SORBS2: variants seen among roughly 807,000 people sequenced by gnomAD.
The protein encoded by SORBS2 is sorbin and SH3 domain-containing protein 2.
A neutral mutation model predicts 97.7 loss-of-function variants in SORBS2; 46 were observed. The ratio of observed to expected loss-of-function variants is 0.47; its 90% confidence interval spans 0.37 to 0.60. The LOEUF is 0.60. SORBS2 is among the 20% of genes least tolerant of loss of function. SORBS2 has a pLI of 0.00. For missense variants in SORBS2, 1,316 were observed against 1,282.3 expected, an observed-to-expected ratio of 1.03 and a Z score of -0.40; for synonymous variants, 476 against 473.4, an observed-to-expected ratio of 1.01 and a Z score of -0.07.
chr4:185,776,987 T>G (rs1325257055), intron 1 of SORBS2, among the ~76,000 whole-genome samples: 2 of 152,018 alleles, frequency 1.3e-5, no homozygotes, highest in African/African-American at 4.8e-5. Context: ...CAAATTCAAT[T>G]CTTTCTTTGC....
At chr4:185,947,415 CT>C (rs924626639) in intron 1 of SORBS2, among the ~76,000 whole-genome samples, 1 of 151,964 alleles carries the variant, frequency 6.6e-6, no homozygotes, top group South Asian at 2.1e-4. Flanking sequence ...GGTTAATTCA[CT>C]TTTTTTTCTA....
At chr4:185,952,856 G>A (rs1446796818) in intron 1 of SORBS2, among the ~76,000 whole-genome samples, 1 of 152,128 alleles carries the variant, frequency 6.6e-6, no homozygotes, top group Non-Finnish European at 1.5e-5. Flanking sequence ...CAAACAGCAT[G>A]AGTCACCACT....
In SORBS2 at chr4:185,889,138, C is replaced by G. The variant is rs567088072; in HGVS notation, c.-338+67058G>C. Among the ~76,000 whole-genome samples the G allele has an allele frequency of 3.4e-4, 52 of 152,254 alleles. 1 individual carries two copies. Among genetic ancestry groups the G allele is most frequent in the Middle Eastern group, 3.4e-3 (1 of 294 alleles). On this transcript the variant is annotated intron_variant, in intron 1 of 20. Coordinates refer to the SORBS2 transcript ENST00000284776. ...GAGGAAGAGGGTTTTTTCTTCCATT[C>G]CAAGGTTAAACTTTCCAACTAGGTT...
At chr4:185,666,270 G>T in intron 4 of SORBS2, 1 of 854,536 alleles carries the variant, frequency 1.2e-6, no homozygotes, top group Non-Finnish European at 1.7e-6. Context: ...CTCTTTTTGC[G>T]ATGTGGCAGA....
At chr4:185,774,667 T>C (rs2098991148) in intron 2 of SORBS2, 1 of 150,954 alleles carries the variant, frequency 6.6e-6, no homozygotes, top group African/African-American at 2.5e-5. Context: ...TCCCCTAAAA[T>C]GTGCTAGGAA....
rs768810388 is a variant in SORBS2, at chr4:185,623,763, C to T, written c.1366G>A (p.Glu456Lys). The T allele has an allele frequency of 6.2e-7, 1 of 1,614,052 alleles. No individual in the cohort carries two copies. The highest frequency in any genetic ancestry group is 1.3e-5 in the African/African-American group (1 of 74,922). ...TGATTTTCTTCCTCCAGCAAATACT[C>T]AATGGAAAACCGCCTCTTGGGACAT... The change falls in exon 7 of 15, where the codon GAG becomes AAG. Residue 456 changes from glutamate (E) to lysine (K), a missense_variant. Coordinates refer to ENST00000418609, the Ensembl canonical transcript of SORBS2. This position sits in a 1 kb window ranked among gnomAD's most constrained non-coding sequence, Gnocchi z 6.4.
intron 11 of SORBS2, among the ~76,000 whole-genome samples, chr4:185,612,347 C>T (rs2096552639): frequency 6.6e-6 from 1 of 152,142 alleles, no homozygotes; most frequent in South Asian, 2.1e-4. Flanking sequence ...TTATCTCTGG[C>T]AGGTTCAGTG....
chr4:185,638,963 C>T (rs1371478308), intron 4 of SORBS2: 4 of 1,522,778 alleles, frequency 2.6e-6, no homozygotes, highest in African/African-American at 2.8e-5. Flanking sequence ...GTGACTTCTC[C>T]GAGTCGGGAG....
chr4:185,708,661 GTGATGCCTGCCTCCA>G (rs2098382096), intron 2 of SORBS2, among the ~76,000 whole-genome samples: 1 of 151,932 alleles, frequency 6.6e-6, no homozygotes, highest in South Asian at 2.1e-4. Context: ...TCCGCCCTCC[GTGATGCCTGCCTCCA>G]TTTTACCCCT....
chr4:185,782,816 G>C (rs1008358502), intron 1 of SORBS2, among the ~76,000 whole-genome samples: 2 of 152,214 alleles, frequency 1.3e-5, no homozygotes, highest in Non-Finnish European at 2.9e-5. Context: ...TAGAGCAGGG[G>C]TCAAAGCCTG....
At chr4:185,644,199 A>G (rs543084450) in intron 4 of SORBS2, among the ~76,000 whole-genome samples, 2 of 152,202 alleles carry the variant, frequency 1.3e-5, no homozygotes, top group African/African-American at 2.4e-5. Flanking sequence ...CTATTTCTCC[A>G]TAAGATAGCC....
rs143473362 is a variant in SORBS2 at position 185,822,829 on chromosome 4, C to G, written c.-337-47463G>C. ...AGCATTCTGAGAGTTCTGAGAACGC[C>G]GGGAGTATAAAGATTTTACATTTTA... On this transcript the variant is annotated intron_variant, in intron 1 of 20. Transcript: ENST00000284776. Among the ~76,000 whole-genome samples the G allele has an allele frequency of 1.4e-4, 21 of 151,980 alleles. No homozygotes were observed. The South Asian group carries it at 4.2e-3, about 30-fold the overall frequency.
At chr4:185,856,294 A>T (rs2099220521) in intron 1 of SORBS2, among the ~76,000 whole-genome samples, 1 of 152,106 alleles carries the variant, frequency 6.6e-6, no homozygotes, top group Non-Finnish European at 1.5e-5. Context: ...GAGTTTCTTA[A>T]CTCATTGAGT....
chr4:185,636,369 C>T (rs2097002197), intron 4 of SORBS2, among the ~76,000 whole-genome samples: 1 of 152,150 alleles, frequency 6.6e-6, no homozygotes, highest in Admixed American at 6.5e-5. Context: ...CAATAAGCTA[C>T]CTTGAGTCTA....
Position 185,748,839 on chromosome 4 carries a change from T to C in SORBS2, c.-198+26388A>G, listed in dbSNP as rs548889978. Among the ~76,000 whole-genome samples, 7 of 152,330 alleles carry C rather than the reference T, an allele frequency of 4.6e-5. No individual in the cohort carries two copies. In the South Asian group the frequency reaches 1.5e-3, roughly 32 times the overall value. ...GCAAGTGGAGGATTTCCCTAGGCTGTTTCTGGAGCCTCATTTATTGATGAG... is the reference window on the plus strand; with the variant it reads ...GCAAGTGGAGGATTTCCCTAGGCTGCTTCTGGAGCCTCATTTATTGATGAG... On this transcript the variant is annotated intron_variant, in intron 2 of 20. Coordinates refer to the SORBS2 transcript ENST00000284776.
At chr4:185,873,967 T>C (rs1041474549) in intron 1 of SORBS2, among the ~76,000 whole-genome samples, 2 of 152,176 alleles carry the variant, frequency 1.3e-5, no homozygotes, top group African/African-American at 4.8e-5. Context: ...CAAACATTAA[T>C]TTTAATATTA....
rs769241026 is a variant in SORBS2 at position 185,624,035 on chromosome 4, C to T, written c.1094G>A (p.Arg365His). The change falls in exon 7 of 15, where the codon CGC becomes CAC. Residue 365 changes from arginine (R) to histidine (H), a missense_variant. By Grantham distance (29) the Arg-to-His change is conservative. Transcript: ENST00000418609. Reference sequence around the variant, plus strand: ...CACCTCGGAGTTCATCAGGTCCTTGCGGTTGATGCGGTGCATTTTCTTGTA... The same window carrying T: ...CACCTCGGAGTTCATCAGGTCCTTGTGGTTGATGCGGTGCATTTTCTTGTA... 1.9e-6 allele frequency: 3 copies of T among 1,614,172 alleles called. No individual in the cohort carries two copies. In the South Asian group the frequency reaches 3.3e-5, roughly 18 times the overall value.
At chr4:185,875,456 T>C (rs1385035688) in intron 1 of SORBS2, among the ~76,000 whole-genome samples, 1 of 152,256 alleles carries the variant, frequency 6.6e-6, no homozygotes, top group Non-Finnish European at 1.5e-5. Flanking sequence ...ATTTAGTCCC[T>C]GTGGCCAATT....
At chr4:185,845,019 T>C (rs1485352754) in intron 1 of SORBS2, among the ~76,000 whole-genome samples, 2 of 86,390 alleles carry the variant, frequency 2.3e-5, no homozygotes, top group Non-Finnish European at 6.2e-5. Context: ...TGAAAATGCT[T>C]TTTTTTTTTT....
Sources: gnomAD v4.1 joint callset for allele counts (sites outside exome capture counted in the v4.1 genomes callset) on GRCh38, gnomAD v4.1.1 for gene constraint, Gnocchi (gnomAD v3.1) non-coding constraint, MANE v1.5 for transcripts, NCBI Gene and HGNC (gene_info 2026-07-23, HGNC 2026-07-21) for gene names.